Variants in CALR observed in about 807,000 individuals in gnomAD.
CALR encodes the protein calreticulin.
In CALR, 15 loss-of-function variants were observed where a neutral mutation model predicts 51.1. That is an observed-to-expected ratio of 0.29 (90% CI 0.20 to 0.45). The LOEUF (loss-of-function observed/expected upper bound fraction) is 0.45, where lower values mean the gene tolerates loss of function less well. Ranked by LOEUF, CALR falls within the 20% of genes least tolerant of loss-of-function variation. CALR has a pLI of 1.00. For missense variants in CALR, 477 were observed against 530.6 expected (o/e 0.90, Z 0.99); for synonymous variants, 239 against 205.9 (o/e 1.16, Z -1.38).
At chr19:12,943,098 T>A (rs1482738308) in intron 7 of CALR, 2 of 147,902 alleles carry the variant, frequency 1.4e-5, no homozygotes, top group Non-Finnish European at 2.9e-5. Context: ...TTTTTTTTTT[T>A]TTTGGAGATG....
chr19:12,943,844 G>C lies in CALR; in HGVS notation c.1185G>C (p.Glu395Asp). Residue 395 changes from glutamate (E) to aspartate (D), a missense_variant, in exon 9 of 9, where the codon GAG becomes GAC. Coordinates refer to ENST00000316448, the MANE Select transcript of CALR (RefSeq NM_004343.4). ...KEDDEDKDED[E>D]EDEEDKEEDE... The stretch of plus-strand genomic sequence containing the variant: ...ATGATGAGGACAAAGATGAGGATGA[G>C]GAGGATGAGGAGGACAAGGAGGAAG... The C allele has an allele frequency of 6.3e-7, 1 of 1,576,468 alleles. No homozygotes were observed. The highest frequency in any genetic ancestry group is 8.6e-7 in the Non-Finnish European group (1 of 1,161,928).
rs754835839 is a variant in CALR, at chr19:12,943,850, TGAG to T, written c.1197_1199del (p.Glu399del). 70 of 1,580,406 alleles carry T rather than the reference TGAG, an allele frequency of 4.4e-5. No homozygotes were observed. Among genetic ancestry groups the T allele is most frequent in the South Asian group, 1.7e-4 (15 of 87,016 alleles). Reference sequence around the variant, plus strand: ...AGGACAAAGATGAGGATGAGGAGGATGAGGAGGACAAGGAGGAAGATGAGGAGG... The same window carrying T: ...AGGACAAAGATGAGGATGAGGAGGATGAGGACAAGGAGGAAGATGAGGAGG... On this transcript the variant is annotated inframe_deletion, in exon 9 of 9. Transcript: ENST00000316448.
rs1285438952 is a variant in CALR at position 12,939,167 on chromosome 19, A to T, written c.125A>T (p.His42Leu). The change falls in exon 2 of 9, where the codon CAC (histidine) becomes CTC (leucine). Residue 42 changes from histidine to leucine, a missense_variant. Physicochemically the swap from His to Leu is moderately conservative, Grantham distance 99. Transcript: ENST00000316448. The part of the protein sequence containing the change: ...GWTSRWIESK[H>L]KSDFGKFVLS... ...ACTTCCCGCTGGATCGAATCCAAAC[A>T]CAAGTCAGATTTTGGCAAATTCGTT... is the stretch of plus-strand genomic sequence containing the variant. 6.2e-7 allele frequency: 1 copy of T among 1,611,686 alleles called. No individual in the cohort carries two copies. The highest frequency in any genetic ancestry group is 8.5e-7 in the Non-Finnish European group (1 of 1,178,934).
rs765669613 is a variant in CALR at position 12,939,433 on chromosome 19, C to T, written c.199C>T (p.Gln67Ter). 2 of 1,612,354 alleles carry T rather than the reference C, an allele frequency of 1.2e-6. No individual in the cohort carries two copies. The highest frequency in any genetic ancestry group is 1.7e-6 in the Non-Finnish European group (2 of 1,180,004). ...YGDEEKDKGL[Q>*]TSQDARFYAL... is the part of the protein sequence containing the mutation. ...TCACTACCGTCCCGTCTCAGGTTTG[C>T]AGACAAGCCAGGATGCACGCTTTTA... Residue 67 changes from glutamine to a stop codon, truncating the protein, a stop_gained, in exon 3 of 9, where the codon CAG becomes TAG. Transcript: ENST00000316448. LOFTEE classifies it high-confidence loss of function.
At position 12,939,494 on chromosome 19, in the gene CALR, A is replaced by G; in HGVS notation, c.260A>G (p.Lys87Arg). The G allele has an allele frequency of 6.2e-7, 1 of 1,613,076 alleles. No individual in the cohort carries two copies. The highest frequency in any genetic ancestry group is 8.5e-7 in the Non-Finnish European group (1 of 1,180,028). ...GCCAGTTTCGAGCCTTTCAGCAACA[A>G]AGGCCAGACGCTGGTGGTGCAGTTC... Reference protein sequence around the residue: ...LSASFEPFSNKGQTLVVQFTV... With the variant: ...LSASFEPFSNRGQTLVVQFTV... Residue 87 changes from lysine (K) to arginine (R), a missense_variant, in exon 3 of 9, where the codon AAA (lysine) becomes AGA (arginine). Transcript: ENST00000316448.
Position 12,943,835 on chromosome 19 carries a change from T to C in CALR, c.1176T>C (p.Asp392=). The change falls in exon 9 of 9, where the codon GAT becomes GAC. Residue 392 remains aspartate (D), a synonymous_variant. Coordinates refer to ENST00000316448, the MANE Select transcript of CALR (RefSeq NM_004343.4). ...AEDKEDDEDK[D]EDEEDEEDKE... ...ACAAGGAGGATGATGAGGACAAAGATGAGGATGAGGAGGATGAGGAGGACA... is the reference window on the plus strand; with the variant it reads ...ACAAGGAGGATGATGAGGACAAAGACGAGGATGAGGAGGATGAGGAGGACA... 3.8e-6 allele frequency: 6 copies of C among 1,579,444 alleles called. No individual in the cohort carries two copies.
intron 7 of CALR, among the ~76,000 whole-genome samples, chr19:12,941,685 G>A (rs988928849): frequency 2.0e-5 from 3 of 150,664 alleles, no homozygotes; most frequent in South Asian, 2.1e-4. Flanking sequence ...TGGTTTCACC[G>A]TGTTAGCCAG....
At position 12,938,838 on chromosome 19, in the gene CALR, G is replaced by A. The variant is rs559441200; in HGVS notation, c.91+68G>A. The A allele has an allele frequency of 3.3e-5, 40 of 1,225,158 alleles. No homozygotes were observed. In the South Asian group the frequency reaches 5.0e-4, roughly 15 times the overall value. The allele number at this position is 1,225,158 out of a possible 1,614,324, so 75.9% of individuals were successfully genotyped here. A position where few individuals can be genotyped will look rare whatever the true frequency, so the allele number is the denominator to read the frequency against. The stretch of plus-strand genomic sequence containing the variant: ...CGGCCCCCGATCCTGGATCTGCGTT[G>A]TCGCCCGTAATTACCGTTTAGAGGT... On this transcript the variant is annotated intron_variant, in intron 1 of 8. Transcript: ENST00000316448.
intron 1 of CALR, 52 bp from the exon 2 acceptor site, chr19:12,939,081 TG>T (rs1005686614): frequency 1.7e-4 from 179 of 1,028,806 alleles, no homozygotes; most frequent in Non-Finnish European, 2.2e-4. Flanking sequence ...ATGTTTGGTG[TG>T]GGGGGGGATT....
At chr19:12,939,663 T>C (rs1201221103) in intron 3 of CALR, 32 bp downstream of exon 3, 2 of 1,575,382 alleles carry the variant, frequency 1.3e-6, no homozygotes, top group Non-Finnish European at 1.7e-6. Flanking sequence ...CTGATCTCTG[T>C]CCCATTAGTT....
chr19:12,943,912 A>G lies in CALR; in HGVS notation c.1253A>G (p.Ter418TrpextTer9). ...CCCGGCCAGGCCAAGGACGAGCTGTAGAGAGGCCTGCCTCCAGGGCTGGAC... is the reference window on the plus strand; with the variant it reads ...CCCGGCCAGGCCAAGGACGAGCTGTGGAGAGGCCTGCCTCCAGGGCTGGAC... ...DVPGQAKDEL[*>W] Residue 418 changes from the stop codon to tryptophan, a stop_lost, in exon 9 of 9, where the codon TAG (stop) becomes TGG (tryptophan). Coordinates refer to ENST00000316448, the MANE Select transcript of CALR (RefSeq NM_004343.4). 1 of 1,602,610 alleles carries G rather than the reference A, an allele frequency of 6.2e-7. No homozygotes were observed. Among genetic ancestry groups the G allele is most frequent in the Non-Finnish European group, 8.5e-7 (1 of 1,175,776 alleles).
Position 12,944,001 on chromosome 19 carries a change from A to G in CALR, c.*88A>G. On this transcript the variant is annotated 3_prime_UTR_variant, in exon 9 of 9. Transcript: ENST00000316448. ...AAATAATGTCTCTGTGAGACTCGAG[A>G]ACTTTCATTTTTTTCCAGGCTGGTT... is the stretch of plus-strand genomic sequence containing the variant. 1.9e-6 allele frequency: 3 copies of G among 1,567,574 alleles called. No homozygotes were observed. Among genetic ancestry groups the G allele is most frequent in the South Asian group, 2.3e-5 (2 of 85,630 alleles).
intron 7 of CALR, among the ~76,000 whole-genome samples, chr19:12,942,822 C>G (rs1013933478): frequency 6.6e-6 from 1 of 150,378 alleles, no homozygotes; most frequent in African/African-American, 2.5e-5. Context: ...GATGCAATCT[C>G]GGCGGCTCAC....
intron 4 of CALR, 26 bp from the exon 5 acceptor site, chr19:12,940,217 C>A: frequency 6.2e-7 from 1 of 1,613,170 alleles, no homozygotes; most frequent in Non-Finnish European, 8.5e-7. Context: ...GGGGGGTGGC[C>A]CCCGCTCACC....
chr19:12,938,825 C>T, intron 1 of CALR, 55 bp downstream of exon 1: 2 of 1,333,894 alleles, frequency 1.5e-6, no homozygotes, highest in Non-Finnish European at 1.1e-6. Flanking sequence ...GCCCCCGATC[C>T]TGGATCTGCG....
chr19:12,940,708 C>G, intron 6 of CALR, 36 bp from the exon 7 acceptor site: 1 of 1,614,150 alleles, frequency 6.2e-7, no homozygotes. Flanking sequence ...GTGCACCAAC[C>G]TTACTCACCC....
Position 12,938,664 on chromosome 19 carries a change from GC to G in CALR, c.-11del. 1.3e-6 allele frequency: 2 copies of G among 1,598,350 alleles called. No homozygotes were observed. The highest frequency in any genetic ancestry group is 1.7e-6 in the Non-Finnish European group (2 of 1,171,554). ...CGTTTTAAAGGGCCCGCGCGTTGCCGCCCCCTCGGCCCGCCATGCTGCTATC... is the reference window on the plus strand; with the variant it reads ...CGTTTTAAAGGGCCCGCGCGTTGCCGCCCCTCGGCCCGCCATGCTGCTATC... On this transcript the variant is annotated 5_prime_UTR_variant, in exon 1 of 9. Transcript: ENST00000316448.
chr19:12,939,613 G>A lies in CALR; in HGVS notation c.379G>A (p.Glu127Lys). The A allele has an allele frequency of 1.9e-6, 3 of 1,614,026 alleles. No homozygotes were observed. The highest frequency in any genetic ancestry group is 2.5e-6 in the Non-Finnish European group (3 of 1,179,936). ...LDQTDMHGDS[E>K]YNIMFGPDIC... ...CCAGACAGACATGCACGGAGACTCA[G>A]AATACAACATCATGTTTGGTGAGGG... Residue 127 changes from glutamate (E) to lysine (K), a missense_variant, in exon 3 of 9, where the codon GAA becomes AAA. By Grantham distance (56) the Glu-to-Lys change is moderately conservative. Coordinates refer to ENST00000316448, the MANE Select transcript of CALR (RefSeq NM_004343.4).
chr19:12,943,511 G>A, intron 7 of CALR, 26 bp from the exon 8 acceptor site: 2 of 1,607,488 alleles, frequency 1.2e-6, no homozygotes, highest in Non-Finnish European at 1.7e-6. Context: ...TATCACCTCT[G>A]ACCATCCTTC....
Sources: allele counts gnomAD v4.1 joint callset (sites outside exome capture counted in the v4.1 genomes callset), GRCh38; gene constraint gnomAD v4.1.1; transcripts MANE v1.5; gene names NCBI Gene and HGNC (gene_info 2026-07-23, HGNC 2026-07-21).